NCAM1: variants seen among roughly 807,000 people sequenced by gnomAD.
NCAM1 encodes neural cell adhesion molecule 1.
In NCAM1, 14 loss-of-function variants were observed where a neutral mutation model predicts 109.8. The observed-to-expected ratio is 0.13, with a 90% CI of 0.08 to 0.20. The LOEUF (loss-of-function observed/expected upper bound fraction) is 0.20. Among genes scored for constraint, NCAM1 ranks in the 10% least tolerant of loss-of-function variants. The pLI is 1.00. For synonymous variants in NCAM1, 418 were observed against 442.9 expected, an observed-to-expected ratio of 0.94 and a Z score of 0.70; for missense variants, 774 against 1,109.9, an observed-to-expected ratio of 0.70 and a Z score of 4.30.
chr11:113,094,359 G>T (rs1343847396), intron 1 of NCAM1, among the ~76,000 whole-genome samples: 1 of 152,190 alleles, frequency 6.6e-6, no homozygotes. Context: ...GAGATGATGG[G>T]TTTTGTGTTT....
intron 1 of NCAM1, among the ~76,000 whole-genome samples, chr11:113,154,523 C>T (rs1942342631): frequency 6.6e-6 from 1 of 152,174 alleles, no homozygotes; most frequent in Non-Finnish European, 1.5e-5. Flanking sequence ...TAGTGCATTA[C>T]AAAATGCAAT....
intron 18 of NCAM1, 116 bp downstream of exon 18, chr11:113,270,511 C>T: frequency 1.1e-6 from 1 of 940,760 alleles, no homozygotes. Flanking sequence ...GCACGTTCTC[C>T]ATTTGGAACC....
intron 1 of NCAM1, among the ~76,000 whole-genome samples, chr11:112,992,647 C>T (rs1951494366): frequency 6.6e-6 from 1 of 151,782 alleles, no homozygotes; most frequent in South Asian, 2.1e-4. Context: ...ACTACAGGCG[C>T]CCGCCACCAT....
intron 17 of NCAM1, among the ~76,000 whole-genome samples, chr11:113,266,170 G>GGA (rs151268039): frequency 0.015 from 2,269 of 152,318 alleles, 65 homozygotes; most frequent in African/African-American, 0.052. Context: ...ACAAGAGGCA[G>GGA]GAGATGGCCT....
intron 1 of NCAM1, among the ~76,000 whole-genome samples, chr11:113,185,068 T>TTTTATATATATATATATATATATATATA (rs1555108651): frequency 1.0e-4 from 10 of 99,624 alleles, no homozygotes; most frequent in African/African-American, 4.2e-4. Context: ...GCATTTATAT[T>TTTTATATATATATATATATATATATATA]TATATATATA....
chr11:113,085,676 G>C (rs1358909869), intron 1 of NCAM1, among the ~76,000 whole-genome samples: 3 of 152,066 alleles, frequency 2.0e-5, no homozygotes, highest in Non-Finnish European at 2.9e-5. Context: ...CACAGGCTTC[G>C]GTTTATGTGT....
At chr11:113,264,024 C>T (rs1485416938) in intron 17 of NCAM1, 12 of 985,280 alleles carry the variant, frequency 1.2e-5, no homozygotes, top group African/African-American at 1.7e-5. Context: ...GGAGTTCACC[C>T]AGGAGAGGAA....
intron 1 of NCAM1, among the ~76,000 whole-genome samples, chr11:113,178,500 G>T (rs1555107447): frequency 1.3e-5 from 2 of 152,210 alleles, no homozygotes; most frequent in Admixed American, 6.5e-5. Flanking sequence ...GTGCATCCAG[G>T]CTGGTCTCGC....
At chr11:113,247,710 C>G (rs1451693439) in intron 15 of NCAM1, among the ~76,000 whole-genome samples, 2 of 152,172 alleles carry the variant, frequency 1.3e-5, no homozygotes, top group Non-Finnish European at 2.9e-5. Context: ...GTCCCAGAAG[C>G]AGAAGGACAT....
chr11:112,979,948 A>C (rs1951109456), intron 1 of NCAM1, among the ~76,000 whole-genome samples: 1 of 151,806 alleles, frequency 6.6e-6, no homozygotes, highest in Non-Finnish European at 1.5e-5. Flanking sequence ...CAGAAAACAC[A>C]CTTGACAAAA....
rs550140390 is a variant in NCAM1, at chr11:113,109,086, G to A, written c.53-93293G>A. 2.7e-5 allele frequency among the ~76,000 whole-genome samples: 4 copies of A among 148,534 alleles called. No individual in the cohort carries two copies. The South Asian group carries it at 9.3e-4, about 35-fold the overall frequency. On this transcript the variant is annotated intron_variant, in intron 1 of 19. Transcript: ENST00000316851. ...GAGGAGGCCGGGTGCGGTGGCTCAT[G>A]CCTGTAATCCCAGCACTTTGGGAGG...
chr11:113,134,742 T>C (rs1206331387), intron 1 of NCAM1, among the ~76,000 whole-genome samples: 1 of 152,182 alleles, frequency 6.6e-6, no homozygotes, highest in Non-Finnish European at 1.5e-5. Context: ...ACTGGAATGA[T>C]TGTCCTTTGT....
intron 17 of NCAM1, among the ~76,000 whole-genome samples, chr11:113,266,101 A>T (rs1946129600): frequency 6.6e-6 from 1 of 152,218 alleles, no homozygotes; most frequent in South Asian, 2.1e-4. Context: ...GGGCTGAGGG[A>T]AGACCATAGC....
At chr11:113,197,745 T>C (rs1357093646) in intron 1 of NCAM1, among the ~76,000 whole-genome samples, 7 of 152,190 alleles carry the variant, frequency 4.6e-5, no homozygotes, top group African/African-American at 1.4e-4. Flanking sequence ...CTCAAGCCCA[T>C]TGGAATCTGA....
chr11:113,264,842 G>A (rs1351039527), intron 17 of NCAM1: 15 of 985,286 alleles, frequency 1.5e-5, no homozygotes, highest in African/African-American at 8.7e-5. Context: ...GTAACAGTGC[G>A]CTCCTCAGGA....
At chr11:113,135,374 G>A (rs1941559832) in intron 1 of NCAM1, among the ~76,000 whole-genome samples, 1 of 152,140 alleles carries the variant, frequency 6.6e-6, no homozygotes, top group Admixed American at 6.6e-5. Flanking sequence ...TCCTAGACTG[G>A]GGACTTGACA....
chr11:112,989,289 G>A (rs1220764994), intron 1 of NCAM1, among the ~76,000 whole-genome samples: 5 of 151,718 alleles, frequency 3.3e-5, no homozygotes, highest in East Asian at 1.9e-4. Flanking sequence ...TCCTTTCTTC[G>A]CTCTTTTTCA....
At chr11:113,043,944 C>CT (rs59982668) in intron 1 of NCAM1, among the ~76,000 whole-genome samples, 14,732 of 142,084 alleles carry the variant, frequency 0.1, 1,160 homozygotes, top group African/African-American at 0.19. Context: ...GAGTAGTTTC[C>CT]TTTTTTTTTT....
chr11:112,962,051 G>A lies in NCAM1; in HGVS notation c.52+387G>A, dbSNP rs1321873590. 6.6e-6 allele frequency among the ~76,000 whole-genome samples: 1 copy of A among 152,158 alleles called. No individual in the cohort carries two copies. The highest frequency in any genetic ancestry group is 2.4e-5 in the African/African-American group (1 of 41,438). On this transcript the variant is annotated intron_variant, in intron 1 of 19. Coordinates refer to ENST00000316851, the MANE Select transcript of NCAM1 (RefSeq NM_181351.5). The surrounding 1 kb of genome is among the most constrained non-coding windows in gnomAD (Gnocchi z 5.6). ...AGGTCGCGGCTCGGGTGGTGCCGCC[G>A]CACGGGCTCGGATTCCGAGGGGGAA...
Sources: gnomAD v4.1 joint callset for allele counts (sites outside exome capture counted in the v4.1 genomes callset) on GRCh38, gnomAD v4.1.1 for gene constraint, Gnocchi (gnomAD v3.1) non-coding constraint, MANE v1.5 for transcripts, NCBI Gene and HGNC (gene_info 2026-07-23, HGNC 2026-07-21) for gene names.